The following BTBD8 variants were observed in gnomAD, a reference collection of about 807,000 sequenced individuals.
The protein encoded by BTBD8 is BTB/POZ domain-containing protein 8.
A neutral mutation model predicts 162.9 loss-of-function variants in BTBD8; 110 were observed. The observed-to-expected ratio is 0.68, with a 90% CI of 0.58 to 0.79. BTBD8 has a LOEUF of 0.79. BTBD8 is among the 30% of genes least tolerant of loss of function. The pLI is 0.00. For missense variants in BTBD8, 1,905 were observed against 2,085.4 expected, an observed-to-expected ratio of 0.91 and a Z score of 1.68; for synonymous variants, 667 against 716.1, an observed-to-expected ratio of 0.93 and a Z score of 1.10.
intron 4 of BTBD8, among the ~76,000 whole-genome samples, chr1:92,109,019 C>A (rs1018526451): frequency 6.6e-6 from 1 of 152,090 alleles, no homozygotes; most frequent in African/African-American, 2.4e-5. Context: ...GCAATACAAC[C>A]CAAGGATTGC....
chr1:92,147,967 C>G (rs1241229053), intron 9 of BTBD8, 181 bp downstream of exon 9: 1 of 577,004 alleles, frequency 1.7e-6, no homozygotes, highest in East Asian at 3.0e-5. Flanking sequence ...ATACCCAGCT[C>G]ATCAGTCAGG....
At chr1:92,159,992 T>C (rs1650245350) in intron 9 of BTBD8, among the ~76,000 whole-genome samples, 1 of 152,180 alleles carries the variant, frequency 6.6e-6, no homozygotes, top group Admixed American at 6.6e-5. Flanking sequence ...CTGACACTTT[T>C]TCTCCTTTCT....
At chr1:92,178,211 A>AT in intron 15 of BTBD8, 101 bp from the exon 16 acceptor site, 1 of 906,504 alleles carries the variant, frequency 1.1e-6, no homozygotes, top group Non-Finnish European at 1.7e-6. Flanking sequence ...GGAGAGATGT[A>AT]TTTTTTATTT....
At chr1:92,117,961 T>C (rs375085790) in intron 4 of BTBD8, among the ~76,000 whole-genome samples, 53 of 152,150 alleles carry the variant, frequency 3.5e-4, no homozygotes, top group Non-Finnish European at 4.9e-4. Flanking sequence ...CCTATACTTA[T>C]GGGTAGAAGC....
At chr1:92,121,039 A>G (rs1222948479) in intron 4 of BTBD8, among the ~76,000 whole-genome samples, 2 of 152,178 alleles carry the variant, frequency 1.3e-5, no homozygotes, top group Non-Finnish European at 2.9e-5. Flanking sequence ...TGCTGGGATT[A>G]CAGGTATGAG....
At position 92,180,648 on chromosome 1, in the gene BTBD8, A is replaced by G. The variant is rs77392798; in HGVS notation, c.2965A>G (p.Lys989Glu). Reference sequence around the variant, plus strand: ...CAGTGTTTCTGAACAGAAGCCTCACAAACCTCTCATTAATCTTGCATCTGA... The same window carrying G: ...CAGTGTTTCTGAACAGAAGCCTCACGAACCTCTCATTAATCTTGCATCTGA... ...KDSVSEQKPH[K>E]PLINLASEIS... is the part of the protein sequence containing the mutation. Residue 989 changes from lysine (K) to glutamate (E), a missense_variant, in exon 17 of 18, where the codon AAA (lysine) becomes GAA (glutamate). Lys to Glu is a moderately conservative substitution (Grantham distance 56). Coordinates refer to ENST00000636805, the MANE Select transcript of BTBD8 (RefSeq NM_001376131.1). 61 of 1,551,328 alleles carry G rather than the reference A, an allele frequency of 3.9e-5. No individual in the cohort carries two copies. In the African/African-American group the frequency reaches 7.8e-4, roughly 20 times the overall value.
At chr1:92,088,644 T>C in intron 1 of BTBD8, 54 bp from the exon 2 acceptor site, 2 of 1,354,418 alleles carry the variant, frequency 1.5e-6, no homozygotes, top group Non-Finnish European at 2.0e-6. Context: ...TAAAAATATG[T>C]ATACGTTTTT....
chr1:92,108,569 G>A (rs56051200), intron 4 of BTBD8, among the ~76,000 whole-genome samples: 2,292 of 152,214 alleles, frequency 0.015, 23 homozygotes, highest in Middle Eastern at 0.037. Flanking sequence ...TTCAGAATTG[G>A]GTTGCTTAGA....
intron 5 of BTBD8, among the ~76,000 whole-genome samples, chr1:92,131,594 C>T (rs904786747): frequency 3.3e-5 from 5 of 151,902 alleles, no homozygotes; most frequent in Admixed American, 2.0e-4. Context: ...CATGATGGCA[C>T]GTGCCTGTAA....
Position 92,167,092 on chromosome 1 carries a change from C to T in BTBD8, c.1257C>T (p.Asp419=). Residue 419 remains aspartate (D), a synonymous_variant, in exon 10 of 18, where the codon GAC becomes GAT. Coordinates refer to ENST00000636805, the MANE Select transcript of BTBD8 (RefSeq NM_001376131.1). The stretch of plus-strand genomic sequence containing the variant: ...AAAAATGTATTGCATTTATTGTAGA[C>T]AACTTCTCCAAGATTATTCAGAGTG... ...LQEKCIAFIV[D]NFSKIIQSEN... 6.4e-7 allele frequency: 1 copy of T among 1,550,544 alleles called. No homozygotes were observed. The highest frequency in any genetic ancestry group is 8.7e-7 in the Non-Finnish European group (1 of 1,146,980).
intron 9 of BTBD8, among the ~76,000 whole-genome samples, chr1:92,152,283 A>G (rs1650063350): frequency 6.6e-6 from 1 of 152,186 alleles, no homozygotes; most frequent in Non-Finnish European, 1.5e-5. Flanking sequence ...GAGTACAAGC[A>G]TTAAGTTACA....
chr1:92,117,603 T>C (rs1468578814), intron 4 of BTBD8, among the ~76,000 whole-genome samples: 1 of 152,046 alleles, frequency 6.6e-6, no homozygotes, highest in Non-Finnish European at 1.5e-5. Flanking sequence ...AGTTTTACCT[T>C]ATGCACACTC....
chr1:92,171,440 C>T lies in BTBD8; in HGVS notation c.1615C>T (p.Pro539Ser), dbSNP rs1650543087. 2 of 1,531,898 alleles carry T rather than the reference C, an allele frequency of 1.3e-6. No individual in the cohort carries two copies. Among genetic ancestry groups the T allele is most frequent in the East Asian group, 2.5e-5 (1 of 40,044 alleles). The allele number at this position is 1,531,898 out of a possible 1,614,324, so 94.9% of individuals were successfully genotyped here. Residue 539 changes from proline to serine, a missense_variant, in exon 13 of 18, where the codon CCT (proline) becomes TCT (serine). Coordinates refer to ENST00000636805, the MANE Select transcript of BTBD8 (RefSeq NM_001376131.1). ...TGATGATCGAAGACTTGGCAAAAAG[C>T]CTATATTCAGTAGCTCGCAGGTAAA... The part of the protein sequence containing the change: ...KGDDRRLGKK[P>S]IFSSSQQRKQ...
chr1:92,180,595 A>G lies in BTBD8; in HGVS notation c.2912A>G (p.His971Arg), dbSNP rs61741973. ...TCTACTGTCCAAAAAAGTATGTTTC[A>G]TGATGTGCGTGATAATAACAACAAG... is the stretch of plus-strand genomic sequence containing the variant. Reference protein sequence around the residue: ...ETSTVQKSMFHDVRDNNNKDS... With the variant: ...ETSTVQKSMFRDVRDNNNKDS... Residue 971 changes from histidine (H) to arginine (R), a missense_variant, in exon 17 of 18, where the codon CAT (histidine) becomes CGT (arginine). Physicochemically the swap from His to Arg is conservative, Grantham distance 29. Transcript: ENST00000636805. 1,059 of 1,551,478 alleles carry G rather than the reference A, an allele frequency of 6.8e-4. 14 individuals carry two copies. In the Middle Eastern group the frequency reaches 0.016, roughly 23 times the overall value.
intron 4 of BTBD8, among the ~76,000 whole-genome samples, chr1:92,118,334 G>T: frequency 6.9e-6 from 1 of 145,144 alleles, no homozygotes. Flanking sequence ...GTACTGGTCA[G>T]GTATTTTATA....
chr1:92,145,941 A>G (rs1457266942), intron 7 of BTBD8, among the ~76,000 whole-genome samples: 3 of 152,060 alleles, frequency 2.0e-5, no homozygotes, highest in Non-Finnish European at 4.4e-5. Flanking sequence ...AGATCGCACC[A>G]CTGCACTCCA....
chr1:92,183,239 T>G (rs189566710), intron 17 of BTBD8, among the ~76,000 whole-genome samples: 1 of 152,312 alleles, frequency 6.6e-6, no homozygotes, highest in African/African-American at 2.4e-5. Flanking sequence ...TTTGTCTTCC[T>G]TATTATAGTA....
chr1:92,096,226 C>T (rs1648447727), intron 2 of BTBD8, among the ~76,000 whole-genome samples: 1 of 152,178 alleles, frequency 6.6e-6, no homozygotes, highest in Admixed American at 6.5e-5. Flanking sequence ...GCCTCAGCTT[C>T]CCAAAGTGCT....
At chr1:92,175,308 G>A (rs550609836) in intron 13 of BTBD8, among the ~76,000 whole-genome samples, 3 of 151,558 alleles carry the variant, frequency 2.0e-5, no homozygotes, top group South Asian at 4.2e-4. Context: ...GTGAAACCCC[G>A]TCTCTACTAA....
Sources: gnomAD v4.1 joint callset for allele counts (sites outside exome capture counted in the v4.1 genomes callset) on GRCh38, gnomAD v4.1.1 for gene constraint, MANE v1.5 for transcripts, NCBI Gene and HGNC (gene_info 2026-07-23, HGNC 2026-07-21) for gene names.